Variants in GFRAL observed in about 807,000 individuals in gnomAD.
GFRAL encodes the protein GDNF family receptor alpha-like.
In GFRAL, 36 loss-of-function variants were observed where a neutral mutation model predicts 45.4. That is an observed-to-expected ratio of 0.79 (90% CI 0.61 to 1.05). GFRAL has a LOEUF of 1.05. Among genes scored for constraint, GFRAL ranks in the 50% least tolerant of loss-of-function variants. The probability of loss-of-function intolerance (pLI) is 0.00; values close to 1 mark genes in which losing one functional copy is unlikely to be tolerated. For missense variants in GFRAL, 507 were observed against 467.5 expected (o/e 1.08, Z -0.78); for synonymous variants, 166 against 154.1 (o/e 1.08, Z -0.57).
chr6:55,328,462 C>T (rs1767792643), intron 1 of GFRAL, among the ~76,000 whole-genome samples: 1 of 151,886 alleles, frequency 6.6e-6, no homozygotes, highest in East Asian at 1.9e-4. Flanking sequence ...AGAGTCATAT[C>T]AAGTCAAGGA....
chr6:55,354,825 T>C (rs1246829506), intron 5 of GFRAL, among the ~76,000 whole-genome samples: 3 of 151,994 alleles, frequency 2.0e-5, no homozygotes, highest in African/African-American at 7.2e-5. Flanking sequence ...TTTCTGTCCC[T>C]GTTCCAAATT....
intron 6 of GFRAL, among the ~76,000 whole-genome samples, chr6:55,371,842 GA>G (rs775054236): frequency 6.6e-6 from 1 of 151,604 alleles, no homozygotes; most frequent in African/African-American, 2.4e-5. Context: ...GTACAAAAAG[GA>G]AAAAAAACAG....
At chr6:55,334,196 C>T (rs1457627817) in intron 3 of GFRAL, among the ~76,000 whole-genome samples, 1 of 152,080 alleles carries the variant, frequency 6.6e-6, no homozygotes, top group African/African-American at 2.4e-5. Flanking sequence ...GCACGACATA[C>T]TTCTTTCATT....
intron 6 of GFRAL, among the ~76,000 whole-genome samples, chr6:55,379,897 T>C (rs980300249): frequency 2.0e-5 from 3 of 151,968 alleles, no homozygotes; most frequent in Non-Finnish European, 2.9e-5. Flanking sequence ...AGTGAGATCA[T>C]GTGGTATTTG....
chr6:55,340,703 C>T (rs894370862), intron 3 of GFRAL, among the ~76,000 whole-genome samples: 4 of 152,092 alleles, frequency 2.6e-5, no homozygotes, highest in African/African-American at 7.2e-5. Flanking sequence ...GCCTACTGAG[C>T]GTGAGCTGAA....
At chr6:55,361,000 T>A in intron 6 of GFRAL, among the ~76,000 whole-genome samples, 1 of 152,028 alleles carries the variant, frequency 6.6e-6, no homozygotes, top group East Asian at 1.9e-4. Flanking sequence ...AACAATTGTG[T>A]TCAATTTTCA....
At chr6:55,398,312 C>A (rs77333030) in intron 6 of GFRAL, among the ~76,000 whole-genome samples, 6,545 of 152,222 alleles carry the variant, frequency 0.043, 203 homozygotes, top group African/African-American at 0.074. Flanking sequence ...AACAGAAGAC[C>A]GCAACCTCTC....
Position 55,388,073 on chromosome 6 carries a change from A to G in GFRAL, c.953-11107A>G, listed in dbSNP as rs528819560. ...ACTGTCTCTGTCCTTTCTTCTAGCA[A>G]TGATTTCCCTTGGTTGCTGCTGAAG... On this transcript the variant is annotated intron_variant, in intron 6 of 8. Transcript: ENST00000340465. Among the ~76,000 whole-genome samples, 124 of 152,284 alleles carry G rather than the reference A, an allele frequency of 8.1e-4. 3 individuals carry two copies. In the South Asian group the frequency reaches 0.025, roughly 31 times the overall value.
intron 6 of GFRAL, among the ~76,000 whole-genome samples, chr6:55,397,394 T>TGTA (rs1439490663): frequency 1.4e-5 from 2 of 146,962 alleles, no homozygotes; most frequent in Non-Finnish European, 3.0e-5. Flanking sequence ...GGCGGGCGCC[T>TGTA]GTAGTCCCAG....
intron 6 of GFRAL, among the ~76,000 whole-genome samples, chr6:55,391,744 A>T (rs1199237553): frequency 1.3e-5 from 2 of 152,200 alleles, no homozygotes; most frequent in Non-Finnish European, 2.9e-5. Flanking sequence ...ATCTCAATAA[A>T]AAAGGATAAA....
At chr6:55,340,907 C>G (rs1767955152) in intron 3 of GFRAL, among the ~76,000 whole-genome samples, 1 of 152,182 alleles carries the variant, frequency 6.6e-6, no homozygotes, top group Non-Finnish European at 1.5e-5. Flanking sequence ...GTCCCACGCC[C>G]ATGGAGCCTC....
intron 6 of GFRAL, among the ~76,000 whole-genome samples, chr6:55,362,773 C>T (rs764247690): frequency 4.0e-5 from 6 of 151,472 alleles, no homozygotes; most frequent in Non-Finnish European, 8.8e-5. Flanking sequence ...GTTATATAGT[C>T]AACTAAAAGA....
In GFRAL at chr6:55,351,512, T is replaced by A. The variant is rs772783910; in HGVS notation, c.630T>A (p.Cys210Ter). 1.2e-6 allele frequency: 2 copies of A among 1,613,252 alleles called. No homozygotes were observed. The highest frequency in any genetic ancestry group is 1.7e-5 in the Admixed American group (1 of 59,874). ...QSKEALHSKT[C>*]AVNMVPPPTC... ...AAGAAGCTCTTCACAGCAAGACATG[T>A]GCAGTGAACATGGTTCCACCCCCTA... The change falls in exon 5 of 9, where the codon TGT becomes TGA. Residue 210 changes from cysteine to a stop codon, truncating the protein, a stop_gained. Coordinates refer to ENST00000340465, the MANE Select transcript of GFRAL (RefSeq NM_207410.2). LOFTEE classifies it high-confidence loss of function.
intron 6 of GFRAL, among the ~76,000 whole-genome samples, chr6:55,380,223 T>C (rs1768590215): frequency 6.6e-6 from 1 of 151,988 alleles, no homozygotes; most frequent in Non-Finnish European, 1.5e-5. Context: ...ATGGCTGCCC[T>C]AATTTATTTC....
In GFRAL at chr6:55,400,528, C is replaced by T. The variant is rs115210239; in HGVS notation, c.1121+1087C>T. Among the ~76,000 whole-genome samples, 747 of 152,232 alleles carry T rather than the reference C, an allele frequency of 4.9e-3. 7 individuals are homozygous for T. The highest frequency in any genetic ancestry group is 0.017 in the African/African-American group (696 of 41,554). ...GTGATACCAAGGGGTCAGGTACATA[C>T]GGACATCCTAATTTATTTATTTTTA... On this transcript the variant is annotated intron_variant, in intron 8 of 8. Coordinates refer to ENST00000340465, the MANE Select transcript of GFRAL (RefSeq NM_207410.2).
chr6:55,350,040 G>A, intron 3 of GFRAL, 52 bp from the exon 4 acceptor site: 2 of 1,124,942 alleles, frequency 1.8e-6, no homozygotes, highest in Non-Finnish European at 2.7e-6. Flanking sequence ...GTTTTCCTAG[G>A]AAATTCAGAA....
At chr6:55,334,072 T>A in intron 3 of GFRAL, 128 bp downstream of exon 3, 1 of 656,436 alleles carries the variant, frequency 1.5e-6, no homozygotes, top group Non-Finnish European at 2.4e-6. Context: ...AGCTTTATTA[T>A]TTTAAAAATT....
At position 55,388,419 on chromosome 6, in the gene GFRAL, C is replaced by T. The variant is rs115890213; in HGVS notation, c.953-10761C>T. Among the ~76,000 whole-genome samples the T allele has an allele frequency of 3.9e-3, 594 of 152,266 alleles. 1 individual carries two copies. Among genetic ancestry groups the T allele is most frequent in the African/African-American group, 0.014 (562 of 41,560 alleles). ...CTGGTGTCTGTGTAGGAAGATGCTA[C>T]TCTTGATGTTTTGAGTTTCCAGGCC... is the stretch of plus-strand genomic sequence containing the variant. On this transcript the variant is annotated intron_variant, in intron 6 of 8. Coordinates refer to ENST00000340465, the MANE Select transcript of GFRAL (RefSeq NM_207410.2).
intron 6 of GFRAL, among the ~76,000 whole-genome samples, chr6:55,383,813 C>T (rs541809685): frequency 8.7e-4 from 132 of 152,058 alleles, no homozygotes; most frequent in Non-Finnish European, 1.5e-3. Context: ...GGACAAGTTC[C>T]CAGGTGATGC....
Sources: allele counts gnomAD v4.1 joint callset (sites outside exome capture counted in the v4.1 genomes callset), GRCh38; gene constraint gnomAD v4.1.1; transcripts MANE v1.5; gene names NCBI Gene and HGNC (gene_info 2026-07-23, HGNC 2026-07-21).